The following EYS variants were observed in gnomAD, a reference collection of about 807,000 sequenced individuals.
EYS encodes the protein EGF-like photoreceptor maintenance factor, also known as protein eyes shut homolog.
In EYS, 250 loss-of-function variants were observed where a neutral mutation model predicts 282.1. The ratio of observed to expected loss-of-function variants is 0.89; its 90% CI spans 0.80 to 0.98. EYS has a LOEUF of 0.98. EYS is among the 50% of genes least tolerant of loss of function. The pLI is 0.00. For synonymous variants in EYS, 1,355 were observed against 1,282.9 expected (o/e 1.06, Z -1.20); for missense variants, 4,016 against 3,709.0 (o/e 1.08, Z -2.15).
chr6:65,317,422 C>T (rs1159833044), intron 11 of EYS, among the ~76,000 whole-genome samples: 2 of 152,120 alleles, frequency 1.3e-5, no homozygotes, highest in Non-Finnish European at 2.9e-5. Flanking sequence ...CTTGTAAATA[C>T]TGTTTTTCAT....
chr6:65,038,178 T>C (rs1331968460), intron 13 of EYS, among the ~76,000 whole-genome samples: 9 of 151,644 alleles, frequency 5.9e-5, no homozygotes, highest in Non-Finnish European at 1.3e-4. Context: ...GTATGTAGAT[T>C]AGATGGGTTT....
At chr6:64,992,250 G>T (rs900371794) in intron 14 of EYS, among the ~76,000 whole-genome samples, 1 of 151,744 alleles carries the variant, frequency 6.6e-6, no homozygotes, top group Non-Finnish European at 1.5e-5. Context: ...TTGGTATATA[G>T]TAAACTTGTA....
chr6:65,593,814 TA>T (rs1322323995), intron 2 of EYS, among the ~76,000 whole-genome samples: 1 of 151,960 alleles, frequency 6.6e-6, no homozygotes. Flanking sequence ...TATTTTACTT[TA>T]TAATTATAAT....
intron 12 of EYS, among the ~76,000 whole-genome samples, chr6:65,147,743 G>A (rs1468854801): frequency 1.3e-5 from 2 of 152,042 alleles, no homozygotes; most frequent in Non-Finnish European, 2.9e-5. Flanking sequence ...CTGCTCTGAA[G>A]AAATACCCAA....
At chr6:63,761,002 C>T (rs1769625189) in intron 41 of EYS, among the ~76,000 whole-genome samples, 1 of 151,498 alleles carries the variant, frequency 6.6e-6, no homozygotes, top group Non-Finnish European at 1.5e-5. Context: ...TGAAAACCAT[C>T]ATAATCAGTT....
chr6:64,384,270 TA>T lies in EYS; in HGVS notation c.6078+4419del, dbSNP rs547660934. On this transcript the variant is annotated intron_variant, in intron 29 of 42. Transcript: ENST00000503581. ...ATTTCCAAATGGATTCACTAGAAAT[TA>T]AAAAAAATTAAATTGTTAAACTTCT... Among the ~76,000 whole-genome samples, 1,098 of 152,168 alleles carry T rather than the reference TA, an allele frequency of 7.2e-3. 7 individuals are homozygous for T. The highest frequency in any genetic ancestry group is 0.013 in the South Asian group (62 of 4,824).
At chr6:65,388,403 TA>T (rs1194666751) in intron 7 of EYS, among the ~76,000 whole-genome samples, 1 of 151,760 alleles carries the variant, frequency 6.6e-6, no homozygotes, top group African/African-American at 2.4e-5. Flanking sequence ...TTAAAACCGA[TA>T]AAAGTGGAGG....
At chr6:65,594,197 T>C (rs2149786352) in intron 2 of EYS, among the ~76,000 whole-genome samples, 1 of 152,150 alleles carries the variant, frequency 6.6e-6, no homozygotes, top group Admixed American at 6.6e-5. Flanking sequence ...CTAAGAACTT[T>C]ACATAGTTAC....
At chr6:64,729,814 T>C (rs1300385621) in intron 22 of EYS, among the ~76,000 whole-genome samples, 4 of 152,226 alleles carry the variant, frequency 2.6e-5, no homozygotes, top group Admixed American at 2.0e-4. Flanking sequence ...ATAAAAGCAT[T>C]TCATCAATAC....
At chr6:65,584,263 C>G (rs1278821913) in intron 2 of EYS, among the ~76,000 whole-genome samples, 1 of 152,038 alleles carries the variant, frequency 6.6e-6, no homozygotes, top group Non-Finnish European at 1.5e-5. Flanking sequence ...CATTTGGCAA[C>G]AGTTGAAGAC....
intron 5 of EYS, among the ~76,000 whole-genome samples, chr6:65,459,117 C>A (rs1764729150): frequency 6.6e-6 from 1 of 152,018 alleles, no homozygotes; most frequent in Non-Finnish European, 1.5e-5. Flanking sequence ...TACACACAGT[C>A]ATTAAAATCT....
chr6:65,400,261 C>T (rs984797255), intron 7 of EYS, among the ~76,000 whole-genome samples: 10 of 151,858 alleles, frequency 6.6e-5, no homozygotes, highest in African/African-American at 2.4e-4. Context: ...ATATTTGTTT[C>T]TTTTTTTGCA....
intron 39 of EYS, among the ~76,000 whole-genome samples, chr6:63,782,804 G>A (rs1211583947): frequency 6.6e-6 from 1 of 152,092 alleles, no homozygotes; most frequent in Non-Finnish European, 1.5e-5. Flanking sequence ...GTTTGAATGT[G>A]TTTGCTCTTG....
At chr6:63,727,727 A>ATATATATATATAT (rs1253035778) in intron 41 of EYS, among the ~76,000 whole-genome samples, 1 of 61,676 alleles carries the variant, frequency 1.6e-5, no homozygotes, top group Admixed American at 1.9e-4. Flanking sequence ...AAAAAAAAAA[A>ATATATATATATAT]AAAAAAAAAA....
chr6:63,809,701 C>G (rs1184655522), intron 36 of EYS, among the ~76,000 whole-genome samples: 1 of 151,926 alleles, frequency 6.6e-6, no homozygotes, highest in Non-Finnish European at 1.5e-5. Flanking sequence ...ATTAAAAATT[C>G]TAAGAGCCTT....
intron 31 of EYS, among the ~76,000 whole-genome samples, chr6:64,092,738 G>A (rs1265279614): frequency 2.0e-5 from 3 of 151,714 alleles, no homozygotes; most frequent in African/African-American, 7.3e-5. Flanking sequence ...CTTTTGCTGT[G>A]CAGAAGCTCT....
At chr6:64,975,305 AT>A (rs969347215) in intron 14 of EYS, among the ~76,000 whole-genome samples, 3 of 151,848 alleles carry the variant, frequency 2.0e-5, no homozygotes, top group African/African-American at 4.8e-5. Flanking sequence ...GTTAAAAAAA[AT>A]ACATTACTAT....
chr6:63,970,231 T>A (rs1001912520), intron 35 of EYS, among the ~76,000 whole-genome samples: 1 of 152,258 alleles, frequency 6.6e-6, no homozygotes, highest in African/African-American at 2.4e-5. Context: ...AATTTTCAGA[T>A]GACCACTTCA....
At chr6:65,201,438 T>A (rs116300788) in intron 12 of EYS, among the ~76,000 whole-genome samples, 10,536 of 152,236 alleles carry the variant, frequency 0.069, 552 homozygotes, top group Non-Finnish European at 0.1. Flanking sequence ...AGTTATAGTT[T>A]TAATACTCTT....
Sources: gnomAD v4.1 joint callset for allele counts (sites outside exome capture counted in the v4.1 genomes callset) on GRCh38, gnomAD v4.1.1 for gene constraint, MANE v1.5 for transcripts, NCBI Gene and HGNC (gene_info 2026-07-23, HGNC 2026-07-21) for gene names.